Variants in SPTBN1 observed in about 807,000 individuals in gnomAD.
SPTBN1 encodes the protein spectrin beta chain, non-erythrocytic 1.
A neutral mutation model predicts 266.4 loss-of-function variants in SPTBN1; 32 were observed. The observed-to-expected ratio is 0.12, with a 90% confidence interval of 0.09 to 0.16. The LOEUF (loss-of-function observed/expected upper bound fraction) is 0.16. Among genes scored for constraint, SPTBN1 ranks in the 10% least tolerant of loss-of-function variants. SPTBN1 has a pLI of 1.00. For missense variants in SPTBN1, 2,296 were observed against 3,067.1 expected (o/e 0.75, Z 5.94); for synonymous variants, 1,336 against 1,162.2 (o/e 1.15, Z -3.04).
intron 1 of SPTBN1, among the ~76,000 whole-genome samples, chr2:54,509,051 G>C (rs557427662): frequency 9.8e-5 from 15 of 152,326 alleles, no homozygotes; most frequent in African/African-American, 3.4e-4. Context: ...TCAGCTTGCT[G>C]AGAGGTAATG....
chr2:54,625,559 G>A (rs1678266161), intron 11 of SPTBN1, among the ~76,000 whole-genome samples: 4 of 151,148 alleles, frequency 2.6e-5, no homozygotes, highest in Admixed American at 2.6e-4. Flanking sequence ...TTTTGGAGGG[G>A]GGGTGGCGCG....
At position 54,657,154 on chromosome 2, in the gene SPTBN1, G is replaced by A. The variant is rs3769333; in HGVS notation, c.6047-696G>A. Among the ~76,000 whole-genome samples the A allele has an allele frequency of 5.5e-3, 836 of 152,304 alleles. 32 individuals are homozygous for A. The East Asian group carries it at 0.086, about 16-fold the overall frequency. On this transcript the variant is annotated intron_variant, in intron 29 of 35. Coordinates refer to ENST00000356805, the MANE Select transcript of SPTBN1 (RefSeq NM_003128.3). ...AACCTACCTTCTCATAACTATGTTGGAACTAGTGTTCCATTTCCTCACAGG... is the reference window on the plus strand; with the variant it reads ...AACCTACCTTCTCATAACTATGTTGAAACTAGTGTTCCATTTCCTCACAGG...
intron 2 of SPTBN1, among the ~76,000 whole-genome samples, chr2:54,551,422 C>G (rs1022069972): frequency 6.6e-6 from 1 of 152,250 alleles, no homozygotes; most frequent in African/African-American, 2.4e-5. Flanking sequence ...GCCTCTGGAC[C>G]GGGGCATTCT....
chr2:54,580,556 G>C (rs1674822377), intron 2 of SPTBN1, among the ~76,000 whole-genome samples: 1 of 151,416 alleles, frequency 6.6e-6, no homozygotes, highest in Admixed American at 6.6e-5. Flanking sequence ...GTGTGTTGGA[G>C]GATGGATTAT....
At chr2:54,536,340 C>T (rs1053145362) in intron 2 of SPTBN1, among the ~76,000 whole-genome samples, 3 of 152,188 alleles carry the variant, frequency 2.0e-5, no homozygotes, top group African/African-American at 7.2e-5. Context: ...TTAAATTTAA[C>T]AGTGCAACGC....
At chr2:54,520,327 T>TA (rs1670364342) in intron 1 of SPTBN1, 1 of 152,172 alleles carries the variant, frequency 6.6e-6, no homozygotes, top group South Asian at 2.1e-4. Flanking sequence ...ACAGAATACT[T>TA]ACAAAGCCTG....
At chr2:54,644,696 G>GTGGA in intron 20 of SPTBN1, 110 bp downstream of exon 20, 1 of 1,439,070 alleles carries the variant, frequency 6.9e-7, no homozygotes, top group Non-Finnish European at 9.3e-7. Context: ...CCATGGGAAG[G>GTGGA]CATTTTTAAC....
intron 2 of SPTBN1, among the ~76,000 whole-genome samples, chr2:54,536,644 A>G (rs947382825): frequency 1.3e-5 from 2 of 152,208 alleles, no homozygotes; most frequent in African/African-American, 4.8e-5. Context: ...CATGCTTAGA[A>G]AATTATTTTT....
intron 26 of SPTBN1, chr2:54,652,529 C>G (rs1680365222): frequency 6.6e-6 from 1 of 152,178 alleles, no homozygotes; most frequent in Non-Finnish European, 1.5e-5. Context: ...TTTACAGACA[C>G]TGCTGCAGTA....
At chr2:54,635,989 T>G (rs892328492) in intron 17 of SPTBN1, among the ~76,000 whole-genome samples, 4 of 152,274 alleles carry the variant, frequency 2.6e-5, no homozygotes, top group Non-Finnish European at 5.9e-5. Context: ...GGCAATGGCA[T>G]AAAATGTCTC....
chr2:54,661,204 G>A, intron 32 of SPTBN1: 3 of 985,622 alleles, frequency 3.0e-6, no homozygotes, highest in Non-Finnish European at 3.6e-6. Context: ...GCCACCAGCA[G>A]GAATTGAAAA....
chr2:54,637,598 C>T, intron 17 of SPTBN1, 115 bp from the exon 18 acceptor site: 1 of 812,674 alleles, frequency 1.2e-6, no homozygotes. Flanking sequence ...TTGAGAACTG[C>T]AAGCAAACTC....
rs917029416 is a variant in SPTBN1 at position 54,554,722 on chromosome 2, T to C, written c.148+28156T>C. Among the ~76,000 whole-genome samples the C allele has an allele frequency of 4.5e-4, 68 of 152,304 alleles. No individual in the cohort carries two copies. The highest frequency in any genetic ancestry group is 3.4e-3 in the Middle Eastern group (1 of 294). ...GTCCCTGACTCTGGACTTGAGTCTT[T>C]CCACCAGCCCACAGCACTTTTGATC... On this transcript the variant is annotated intron_variant, in intron 2 of 35. Transcript: ENST00000356805. This position sits in a 1 kb window ranked among gnomAD's most constrained non-coding sequence, Gnocchi z 4.5.
chr2:54,526,106 A>C (rs1040362779), intron 1 of SPTBN1, among the ~76,000 whole-genome samples: 1 of 152,248 alleles, frequency 6.6e-6, no homozygotes, highest in Non-Finnish European at 1.5e-5. Flanking sequence ...GGGGGTATCC[A>C]TCATCTCATT....
chr2:54,563,003 T>A (rs1289510776), intron 2 of SPTBN1, among the ~76,000 whole-genome samples: 2 of 152,220 alleles, frequency 1.3e-5, no homozygotes, highest in Non-Finnish European at 2.9e-5. Flanking sequence ...GAATTTTGTC[T>A]GGTCTTTATA....
chr2:54,539,513 G>C (rs916781513), intron 2 of SPTBN1, among the ~76,000 whole-genome samples: 1 of 152,050 alleles, frequency 6.6e-6, no homozygotes, highest in Non-Finnish European at 1.5e-5. Flanking sequence ...CCTTTTAAAA[G>C]TTTGATGTGT....
intron 1 of SPTBN1, among the ~76,000 whole-genome samples, chr2:54,473,399 A>G (rs1475012727): frequency 6.6e-6 from 1 of 152,204 alleles, no homozygotes; most frequent in Non-Finnish European, 1.5e-5. Context: ...TGAATTCTAT[A>G]TGGCATTGTT....
intron 3 of SPTBN1, among the ~76,000 whole-genome samples, chr2:54,607,064 A>G (rs923771062): frequency 2.6e-5 from 4 of 152,224 alleles, no homozygotes; most frequent in African/African-American, 9.6e-5. Context: ...GGCAAAATCC[A>G]CCTCTTTCTT....
intron 1 of SPTBN1, among the ~76,000 whole-genome samples, chr2:54,490,102 G>C (rs1668607067): frequency 6.8e-6 from 1 of 146,166 alleles, no homozygotes; most frequent in South Asian, 2.1e-4. Flanking sequence ...TTTTTGTGAG[G>C]CGGAGTTGCA....
Sources: gnomAD v4.1 joint callset for allele counts (sites outside exome capture counted in the v4.1 genomes callset) on GRCh38, gnomAD v4.1.1 for gene constraint, Gnocchi (gnomAD v3.1) non-coding constraint, MANE v1.5 for transcripts, NCBI Gene and HGNC (gene_info 2026-07-23, HGNC 2026-07-21) for gene names.